Variants in WDR17 observed in about 807,000 individuals in gnomAD.
WDR17 encodes the protein WD repeat-containing protein 17.
A neutral mutation model predicts 161.7 loss-of-function variants in WDR17; 143 were observed. The observed-to-expected ratio is 0.88, with a 90% CI of 0.77 to 1.02. The LOEUF is 1.02. Among genes scored for constraint, WDR17 ranks in the 50% least tolerant of loss-of-function variants. WDR17 has a pLI of 0.00. For synonymous variants in WDR17, 517 were observed against 515.6 expected, an observed-to-expected ratio of 1.00 and a Z score of -0.04; for missense variants, 1,469 against 1,520.9, an observed-to-expected ratio of 0.97 and a Z score of 0.57.
rs1735660247 is a variant in WDR17 at position 176,088,153 on chromosome 4, A to G, written c.-7+22074A>G. ...GCCACCATCCCTGGCCTTTATTTTT[A>G]TATATTTTTATATATTCCAATTATC... On this transcript the variant is annotated intron_variant, in intron 1 of 28. Transcript: ENST00000508596. Among the ~76,000 whole-genome samples, 4 of 151,990 alleles carry G rather than the reference A, an allele frequency of 2.6e-5. No homozygotes were observed. In the South Asian group the frequency reaches 8.3e-4, roughly 31 times the overall value.
chr4:176,083,932 A>G (rs1474793712), intron 1 of WDR17, among the ~76,000 whole-genome samples: 1 of 152,036 alleles, frequency 6.6e-6, no homozygotes, highest in East Asian at 1.9e-4. Flanking sequence ...TTATTGAGCA[A>G]CTGTTCATAT....
At position 176,177,173 on chromosome 4, in the gene WDR17, T is replaced by C. The variant is rs1207324046; in HGVS notation, c.3548+17T>C. 4 of 1,602,490 alleles carry C rather than the reference T, an allele frequency of 2.5e-6. No homozygotes were observed. The highest frequency in any genetic ancestry group is 2.2e-5 in the East Asian group (1 of 44,788). On this transcript the variant is annotated intron_variant, in intron 27 of 28. Transcript: ENST00000508596. ...CACCAACAGGTGAGCAAATATGATA[T>C]AAAAATTGGAATGCAGAAGGTATTT...
At chr4:176,116,993 T>C (rs1339786083) in intron 3 of WDR17, among the ~76,000 whole-genome samples, 1 of 151,890 alleles carries the variant, frequency 6.6e-6, no homozygotes, top group Admixed American at 6.6e-5. Context: ...ATGGATCTCA[T>C]TCCCAAGTTT....
chr4:176,084,765 T>A (rs1397911276), intron 1 of WDR17, among the ~76,000 whole-genome samples: 1 of 146,770 alleles, frequency 6.8e-6, no homozygotes, highest in African/African-American at 2.5e-5. Flanking sequence ...TATATATATA[T>A]TATATATTAT....
In WDR17 at chr4:176,179,639, A is replaced by G; in HGVS notation, c.*60A>G. On this transcript the variant is annotated 3_prime_UTR_variant, in exon 29 of 29. Coordinates refer to ENST00000508596, the MANE Select transcript of WDR17 (RefSeq NM_181265.4). ...TAAAGAAAAACTTTCATGGGTTAGC[A>G]TTACCTTAATCTTTGTTGCTCAAGT... 1 of 1,461,050 alleles carries G rather than the reference A, an allele frequency of 6.8e-7. No homozygotes were observed. Among genetic ancestry groups the G allele is most frequent in the Non-Finnish European group, 9.1e-7 (1 of 1,100,662 alleles). 90.5% of individuals were successfully genotyped at this position (1,461,050 alleles called of 1,614,324 possible).
intron 11 of WDR17, among the ~76,000 whole-genome samples, chr4:176,143,741 C>G (rs1356539292): frequency 2.0e-5 from 3 of 151,994 alleles, no homozygotes; most frequent in Non-Finnish European, 4.4e-5. Flanking sequence ...TGCCACTAAA[C>G]CAATAACATT....
intron 10 of WDR17, among the ~76,000 whole-genome samples, chr4:176,140,481 T>A (rs757477452): frequency 2.0e-5 from 3 of 152,148 alleles, no homozygotes; most frequent in Non-Finnish European, 4.4e-5. Flanking sequence ...TGACCCTGTG[T>A]TTTAGAAATA....
At chr4:176,172,835 G>A (rs139164848) in intron 24 of WDR17, among the ~76,000 whole-genome samples, 110 of 152,100 alleles carry the variant, frequency 7.2e-4, no homozygotes, top group African/African-American at 2.4e-3. Flanking sequence ...GAGGTGCCAC[G>A]CTCTTAAACA....
intron 4 of WDR17, among the ~76,000 whole-genome samples, chr4:176,123,761 A>C (rs745939716): frequency 1.3e-5 from 2 of 152,140 alleles, no homozygotes; most frequent in Non-Finnish European, 2.9e-5. Context: ...TAGAAGCTTT[A>C]TTATATAGGC....
At position 176,174,725 on chromosome 4, in the gene WDR17, A is replaced by G; in HGVS notation, c.3449+7A>G. On this transcript the variant is annotated splice_region_variant and intron_variant, in intron 26 of 28. Transcript: ENST00000508596. ...CACTTTATGAGTACACAAGGTAAAA[A>G]AGGTTTTTTCCTCCATCATGACATT... The G allele has an allele frequency of 6.3e-7, 1 of 1,588,162 alleles. No individual in the cohort carries two copies. Among genetic ancestry groups the G allele is most frequent in the Non-Finnish European group, 8.6e-7 (1 of 1,164,148 alleles).
At chr4:176,068,973 A>G (rs868326846) in intron 1 of WDR17, among the ~76,000 whole-genome samples, 12 of 152,206 alleles carry the variant, frequency 7.9e-5, no homozygotes, top group Non-Finnish European at 1.3e-4. Flanking sequence ...TAGAAATAAT[A>G]TAAAATGATC....
chr4:176,174,609 T>C lies in WDR17; in HGVS notation c.3348-8T>C. ...GGAATTTATAAAAATAAATATATTC[T>C]CTTTTAGAGCTCGAAATGAGTTGCT... On this transcript the variant is annotated splice_region_variant and splice_polypyrimidine_tract_variant and intron_variant, in intron 25 of 28. Transcript: ENST00000508596. The C allele has an allele frequency of 6.3e-7, 1 of 1,592,156 alleles. No homozygotes were observed. Among genetic ancestry groups the C allele is most frequent in the Non-Finnish European group, 8.6e-7 (1 of 1,166,808 alleles).
At chr4:176,121,368 T>G (rs778747384) in intron 4 of WDR17, among the ~76,000 whole-genome samples, 2 of 152,224 alleles carry the variant, frequency 1.3e-5, no homozygotes, top group Non-Finnish European at 2.9e-5. Flanking sequence ...TCTCCGGCAG[T>G]CTTCCTTAGT....
At chr4:176,108,952 G>T (rs2126685292) in intron 1 of WDR17, among the ~76,000 whole-genome samples, 1 of 152,124 alleles carries the variant, frequency 6.6e-6, no homozygotes, top group Middle Eastern at 3.4e-3. Flanking sequence ...ACCACCCCTG[G>T]TTAATTTTTG....
At chr4:176,169,835 G>GT (rs1162800092) in intron 23 of WDR17, among the ~76,000 whole-genome samples, 1 of 152,202 alleles carries the variant, frequency 6.6e-6, no homozygotes, top group Non-Finnish European at 1.5e-5. Context: ...TTACCAGTGG[G>GT]TTGTGAGATG....
intron 13 of WDR17, 100 bp from the exon 14 acceptor site, chr4:176,149,707 C>A: frequency 6.9e-7 from 1 of 1,449,760 alleles, no homozygotes; most frequent in Non-Finnish European, 9.4e-7. Flanking sequence ...CACAATATTT[C>A]TTCATAGCTT....
intron 4 of WDR17, among the ~76,000 whole-genome samples, chr4:176,121,573 T>A (rs534549865): frequency 1.3e-5 from 2 of 152,342 alleles, no homozygotes; most frequent in Admixed American, 1.3e-4. Context: ...TGTGTTTTTA[T>A]TTTATTCTAA....
chr4:176,167,001 T>C (rs1214383089), intron 22 of WDR17, among the ~76,000 whole-genome samples: 1 of 152,214 alleles, frequency 6.6e-6, no homozygotes, highest in African/African-American at 2.4e-5. Flanking sequence ...AAAGTTTTTC[T>C]TATTCTAAAA....
rs753474483 is a variant in WDR17 at position 176,096,610 on chromosome 4, C to T, written c.-6-14965C>T. On this transcript the variant is annotated intron_variant, in intron 1 of 28. Transcript: ENST00000508596. ...AGTAAGATACATTTACTTGTAATTACGATTTCCTGCGATTTTTTTTCTGCT... is the reference window on the plus strand; with the variant it reads ...AGTAAGATACATTTACTTGTAATTATGATTTCCTGCGATTTTTTTTCTGCT... 34 of 1,527,694 alleles carry T rather than the reference C, an allele frequency of 2.2e-5. No individual in the cohort carries two copies. The Admixed American group carries it at 4.1e-4, about 18-fold the overall frequency. 94.6% of individuals were successfully genotyped at this position (1,527,694 alleles called of 1,614,324 possible). A position where few individuals can be genotyped will look rare whatever the true frequency, so the allele number is the denominator to read the frequency against.
Sources: gnomAD v4.1 joint callset for allele counts (sites outside exome capture counted in the v4.1 genomes callset) on GRCh38, gnomAD v4.1.1 for gene constraint, MANE v1.5 for transcripts, NCBI Gene and HGNC (gene_info 2026-07-23, HGNC 2026-07-21) for gene names.